The following CD9 variants were observed in gnomAD, a reference collection of about 807,000 sequenced individuals.
CD9 encodes CD9 antigen.
Under a neutral mutation model 31.4 loss-of-function variants are expected in CD9, and 10 were observed. The ratio of observed to expected loss-of-function variants is 0.32; its 90% CI spans 0.20 to 0.54. The LOEUF (loss-of-function observed/expected upper bound fraction) is 0.54. Ranked by LOEUF, CD9 falls within the 20% of genes least tolerant of loss-of-function variation. The pLI is 0.94. For missense variants in CD9, 259 were observed against 300.1 expected (o/e 0.86, Z 1.01); for synonymous variants, 113 against 114.1 (o/e 0.99, Z 0.06).
At position 6,235,583 on chromosome 12, in the gene CD9, T is replaced by C; in HGVS notation, c.537+18T>C. On this transcript the variant is annotated intron_variant, in intron 6 of 7. Transcript: ENST00000009180. ...CCGTGAAGGTAAACTCAGACCAGGATCCTGGTGTCCCTGCCCCCATTGCTC... is the reference window on the plus strand; with the variant it reads ...CCGTGAAGGTAAACTCAGACCAGGACCCTGGTGTCCCTGCCCCCATTGCTC... The C allele has an allele frequency of 6.3e-7, 1 of 1,599,184 alleles. No individual in the cohort carries two copies. The highest frequency in any genetic ancestry group is 2.2e-5 in the East Asian group (1 of 44,594).
intron 1 of CD9, among the ~76,000 whole-genome samples, chr12:6,211,274 T>G (rs1946191855): frequency 1.3e-5 from 2 of 152,096 alleles, no homozygotes; most frequent in Non-Finnish European, 2.9e-5. Context: ...AGATAGCAAA[T>G]ATTTGAGTAC....
At chr12:6,233,067 G>A (rs959505470) in intron 3 of CD9, 2 of 702,168 alleles carry the variant, frequency 2.8e-6, no homozygotes, top group Non-Finnish European at 5.2e-6. Flanking sequence ...ACTCCACGGA[G>A]TGGATTCGCT....
rs1230046784 is a variant in CD9 at position 6,232,799 on chromosome 12, C to A, written c.273+70C>A. On this transcript the variant is annotated intron_variant, in intron 3 of 7. Transcript: ENST00000009180. This position sits in a 1 kb window ranked among gnomAD's most constrained non-coding sequence, Gnocchi z 4.8. ...AACAAAAACCTCAGCAGGCCCAGAC[C>A]CAGACCACAGAACAGATGGAGGGGG... 1 of 1,017,348 alleles carries A rather than the reference C, an allele frequency of 9.8e-7. No individual in the cohort carries two copies. The highest frequency in any genetic ancestry group is 2.0e-5 in the Admixed American group (1 of 49,788). 63.0% of individuals were successfully genotyped at this position (1,017,348 alleles called of 1,614,324 possible).
At chr12:6,222,310 C>G (rs1429317747) in intron 1 of CD9, among the ~76,000 whole-genome samples, 2 of 152,206 alleles carry the variant, frequency 1.3e-5, no homozygotes, top group Non-Finnish European at 2.9e-5. Context: ...GGGTTCACTC[C>G]TGATTTTTGT....
chr12:6,227,369 T>A (rs1212620258), intron 2 of CD9, among the ~76,000 whole-genome samples: 1 of 152,148 alleles, frequency 6.6e-6, no homozygotes, highest in Non-Finnish European at 1.5e-5. Context: ...CAGCTGATTT[T>A]GTATTTTTAG....
Position 6,238,145 on chromosome 12 carries a change from A to G in CD9, c.*317A>G, listed in dbSNP as rs1157260691. The G allele has an allele frequency of 4.8e-6, 1 of 206,530 alleles. No individual in the cohort carries two copies. The highest frequency in any genetic ancestry group is 1.3e-4 in the East Asian group (1 of 7,942). The allele number at this position is 206,530 out of a possible 1,614,324, so 12.8% of individuals were successfully genotyped here. A position where few individuals can be genotyped will look rare whatever the true frequency, so the allele number is the denominator to read the frequency against. ...ATATTTGCTAGACTCTAGACAAGAT[A>G]TTGTACATAAAAGAATTTTTTTGTC... On this transcript the variant is annotated 3_prime_UTR_variant, in exon 8 of 8. Coordinates refer to ENST00000009180, the MANE Select transcript of CD9 (RefSeq NM_001769.4).
At chr12:6,212,767 G>C (rs991131206) in intron 1 of CD9, among the ~76,000 whole-genome samples, 3 of 152,186 alleles carry the variant, frequency 2.0e-5, no homozygotes, top group African/African-American at 7.2e-5. Flanking sequence ...AGTGTCTAGA[G>C]CACTAAATGG....
intron 3 of CD9, 33 bp from the exon 4 acceptor site, chr12:6,233,379 C>T: frequency 6.4e-7 from 1 of 1,553,286 alleles, no homozygotes; most frequent in African/African-American, 1.4e-5. Context: ...TTGGCTGGGA[C>T]TGTTCTCACC....
chr12:6,235,956 C>A, intron 6 of CD9: 1 of 1,411,058 alleles, frequency 7.1e-7, no homozygotes, highest in Non-Finnish European at 9.2e-7. Context: ...CCAAGCAGGG[C>A]CTGTCCCTCC....
chr12:6,233,884 T>C (rs1946483228), intron 4 of CD9, among the ~76,000 whole-genome samples: 1 of 150,808 alleles, frequency 6.6e-6, no homozygotes, highest in South Asian at 2.1e-4. Context: ...GTTCAAGTGC[T>C]GCCCCCATGA....
intron 1 of CD9, among the ~76,000 whole-genome samples, chr12:6,221,813 CAAAA>C (rs34034952): frequency 1.6e-5 from 1 of 62,056 alleles, no homozygotes; most frequent in Non-Finnish European, 3.0e-5. Flanking sequence ...CCTGGCTCTA[CAAAA>C]AAAAAAAAAA....
rs576862285 is a variant in CD9 at position 6,232,372 on chromosome 12, C to T, written c.176-260C>T. 131 of 559,418 alleles carry T rather than the reference C, an allele frequency of 2.3e-4. No homozygotes were observed. The highest frequency in any genetic ancestry group is 1.9e-3 in the Middle Eastern group (4 of 2,080). 34.7% of individuals were successfully genotyped at this position (559,418 alleles called of 1,614,324 possible). A position where few individuals can be genotyped will look rare whatever the true frequency, so the allele number is the denominator to read the frequency against. ...TCCTGGATTGAGGGCTAATGGGCACCTTCCAGAAGGGCTGAGGGTAAGGTA... is the reference window on the plus strand; with the variant it reads ...TCCTGGATTGAGGGCTAATGGGCACTTTCCAGAAGGGCTGAGGGTAAGGTA... On this transcript the variant is annotated intron_variant, in intron 2 of 7. Coordinates refer to ENST00000009180, the MANE Select transcript of CD9 (RefSeq NM_001769.4). The surrounding 1 kb of genome is among the most constrained non-coding windows in gnomAD (Gnocchi z 4.8).
chr12:6,200,504 C>G lies in CD9; in HGVS notation c.5C>G (p.Pro2Arg), dbSNP rs1395921312. 3 of 1,609,896 alleles carry G rather than the reference C, an allele frequency of 1.9e-6. No homozygotes were observed. The highest frequency in any genetic ancestry group is 2.5e-6 in the Non-Finnish European group (3 of 1,176,966). Residue 2 changes from proline to arginine, a missense_variant, in exon 1 of 8, where the codon CCG becomes CGG. By Grantham distance (103) the Pro-to-Arg change is moderately radical (BLOSUM62 -2). Coordinates refer to ENST00000009180, the MANE Select transcript of CD9 (RefSeq NM_001769.4). Reference protein sequence around the residue: MPVKGGTKCIKY... With the variant: MRVKGGTKCIKY... ...CAGGCTAAGTTAGCCCTCACCATGCCGGTCAAAGGAGGCACCAAGTGCATC... is the reference window on the plus strand; with the variant it reads ...CAGGCTAAGTTAGCCCTCACCATGCGGGTCAAAGGAGGCACCAAGTGCATC...
chr12:6,224,271 C>T (rs1260331656), intron 1 of CD9, among the ~76,000 whole-genome samples: 2 of 152,208 alleles, frequency 1.3e-5, no homozygotes, highest in Non-Finnish European at 2.9e-5. Context: ...CAGATGGGAA[C>T]ACTGAAGCAA....
intron 1 of CD9, among the ~76,000 whole-genome samples, chr12:6,208,631 G>A (rs561568163): frequency 6.6e-6 from 1 of 151,920 alleles, no homozygotes; most frequent in South Asian, 2.1e-4. Context: ...GAGTGTAATG[G>A]TGCGATCGCA....
chr12:6,226,031 A>G (rs1418164276), intron 2 of CD9, among the ~76,000 whole-genome samples: 2 of 152,204 alleles, frequency 1.3e-5, no homozygotes, highest in African/African-American at 2.4e-5. Flanking sequence ...AGAGACTAGA[A>G]TGGACTCTGC....
intron 4 of CD9, 74 bp downstream of exon 4, chr12:6,233,560 T>G: frequency 8.8e-7 from 1 of 1,138,652 alleles, no homozygotes; most frequent in South Asian, 1.2e-5. Context: ...GGGCAAGTCC[T>G]GGCTGGGCAC....
At chr12:6,230,742 C>T (rs567311363) in intron 2 of CD9, among the ~76,000 whole-genome samples, 21 of 152,350 alleles carry the variant, frequency 1.4e-4, no homozygotes, top group Admixed American at 3.3e-4. Context: ...GCCTCAACAG[C>T]GTTTGACTGC....
intron 2 of CD9, among the ~76,000 whole-genome samples, chr12:6,225,997 C>T (rs963045661): frequency 1.8e-4 from 28 of 152,216 alleles, no homozygotes; most frequent in African/African-American, 5.5e-4. Flanking sequence ...ACATCAGCCT[C>T]CTGGAAAACA....
Sources: allele counts gnomAD v4.1 joint callset (sites outside exome capture counted in the v4.1 genomes callset), GRCh38; gene constraint gnomAD v4.1.1; non-coding constraint Gnocchi (gnomAD v3.1); transcripts MANE v1.5; gene names NCBI Gene and HGNC (gene_info 2026-07-23, HGNC 2026-07-21).